ACMSD: variants seen among roughly 807,000 people sequenced by gnomAD.
ACMSD encodes the protein aminocarboxymuconate semialdehyde decarboxylase.
In ACMSD, 37 loss-of-function variants were observed where a neutral mutation model predicts 45.9. The ratio of observed to expected loss-of-function variants is 0.81; its 90% confidence interval spans 0.62 to 1.06. The LOEUF (loss-of-function observed/expected upper bound fraction) is 1.06. Among genes scored for constraint, ACMSD ranks in the 50% least tolerant of loss-of-function variants. The pLI, the probability that ACMSD is intolerant of heterozygous loss-of-function variation, is 0.00. For synonymous variants in ACMSD, 138 were observed against 148.8 expected, an observed-to-expected ratio of 0.93 and a Z score of 0.53; for missense variants, 434 against 420.9, an observed-to-expected ratio of 1.03 and a Z score of -0.27.
intron 6 of ACMSD, among the ~76,000 whole-genome samples, chr2:134,870,107 G>C (rs1281770436): frequency 3.9e-5 from 6 of 152,214 alleles, no homozygotes; most frequent in African/African-American, 1.4e-4. Flanking sequence ...GCAGCCTACA[G>C]AGTCAGGCTT....
At chr2:134,893,554 T>C (rs1689919542) in intron 8 of ACMSD, among the ~76,000 whole-genome samples, 1 of 152,168 alleles carries the variant, frequency 6.6e-6, no homozygotes, top group African/African-American at 2.4e-5. Context: ...CTGCCTCTTT[T>C]GTAGGCATTT....
chr2:134,853,167 TAAAAAAAAA>T (rs201350282), intron 2 of ACMSD, among the ~76,000 whole-genome samples: 2 of 106,560 alleles, frequency 1.9e-5, no homozygotes, highest in East Asian at 2.5e-4. Flanking sequence ...CATCTCAATC[TAAAAAAAAA>T]AAAAAAAAAA....
intron 2 of ACMSD, among the ~76,000 whole-genome samples, chr2:134,858,072 T>C (rs72974386): frequency 0.026 from 4,025 of 152,162 alleles, 184 homozygotes; most frequent in African/African-American, 0.09. Flanking sequence ...TGAAGAAATA[T>C]CTGCATTCCC....
intron 8 of ACMSD, among the ~76,000 whole-genome samples, chr2:134,896,918 G>A (rs1559072370): frequency 6.6e-6 from 1 of 152,074 alleles, no homozygotes; most frequent in Non-Finnish European, 1.5e-5. Flanking sequence ...AGACACAGAG[G>A]GTAAACTAGT....
intron 1 of ACMSD, among the ~76,000 whole-genome samples, chr2:134,842,343 T>C (rs1488016100): frequency 6.6e-6 from 1 of 152,130 alleles, no homozygotes; most frequent in Non-Finnish European, 1.5e-5. Flanking sequence ...TGGCACTTTA[T>C]ACTTTCCAGG....
chr2:134,863,932 C>T (rs981564999), intron 5 of ACMSD, among the ~76,000 whole-genome samples: 3 of 152,104 alleles, frequency 2.0e-5, no homozygotes, highest in South Asian at 2.1e-4. Context: ...ACCCTCTTTA[C>T]AGCCACTGTG....
intron 8 of ACMSD, among the ~76,000 whole-genome samples, chr2:134,881,835 A>G (rs772428186): frequency 6.6e-6 from 1 of 151,324 alleles, no homozygotes; most frequent in Non-Finnish European, 1.5e-5. Flanking sequence ...TAAAAATACA[A>G]AAAAAAATTA....
chr2:134,877,324 T>C (rs1344470441), intron 8 of ACMSD, among the ~76,000 whole-genome samples: 1 of 152,186 alleles, frequency 6.6e-6, no homozygotes, highest in Admixed American at 6.5e-5. Flanking sequence ...CCCCAAAACT[T>C]AGTGGCTTAA....
intron 6 of ACMSD, among the ~76,000 whole-genome samples, chr2:134,870,403 A>C (rs1688370901): frequency 6.6e-6 from 1 of 152,230 alleles, no homozygotes; most frequent in African/African-American, 2.4e-5. Context: ...GCCAATCCTC[A>C]AAACAACTCA....
At position 134,841,694 on chromosome 2, in the gene ACMSD, C is replaced by T. The variant is rs78051076; in HGVS notation, c.57+2955C>T. 2.5e-3 allele frequency among the ~76,000 whole-genome samples: 388 copies of T among 152,264 alleles called. 2 individuals carry two copies. The highest frequency in any genetic ancestry group is 8.8e-3 in the African/African-American group (366 of 41,570). ...ATTCACAGCAACAATGAGGATGATA[C>T]AGTTTCAGCTTTTTCCTCCAGCAAG... On this transcript the variant is annotated intron_variant, in intron 1 of 9. Coordinates refer to ENST00000356140, the MANE Select transcript of ACMSD (RefSeq NM_138326.3).
At chr2:134,862,988 T>C (rs954010806) in intron 4 of ACMSD, 1 of 985,270 alleles carries the variant, frequency 1.0e-6, no homozygotes, top group African/African-American at 1.7e-5. Context: ...CGGCCCTCAA[T>C]GGGGCATGAC....
At chr2:134,862,983 C>G in intron 4 of ACMSD, 1 of 985,460 alleles carries the variant, frequency 1.0e-6, no homozygotes, top group Non-Finnish European at 1.2e-6. Flanking sequence ...CCTGGCGGCC[C>G]TCAATGGGGC....
chr2:134,878,739 T>C (rs1278019503), intron 8 of ACMSD, among the ~76,000 whole-genome samples: 2 of 152,242 alleles, frequency 1.3e-5, no homozygotes, highest in African/African-American at 2.4e-5. Flanking sequence ...ACATGTTTTA[T>C]AGTCCAAAGG....
intron 6 of ACMSD, 175 bp downstream of exon 6, chr2:134,867,847 C>T (rs922079303): frequency 2.3e-5 from 9 of 385,332 alleles, no homozygotes; most frequent in Admixed American, 8.8e-5. Flanking sequence ...ATATATATAA[C>T]CTCATTTAAT....
chr2:134,873,264 A>G (rs1017212582), intron 8 of ACMSD: 1 of 152,726 alleles, frequency 6.5e-6, no homozygotes, highest in Admixed American at 6.5e-5. Flanking sequence ...AAAGCGCACA[A>G]GAAAAAGTCT....
chr2:134,846,597 G>A (rs1011861110), intron 2 of ACMSD, among the ~76,000 whole-genome samples: 1 of 151,886 alleles, frequency 6.6e-6, no homozygotes, highest in Non-Finnish European at 1.5e-5. Flanking sequence ...TTTAGACAGG[G>A]GGTCTCACTA....
chr2:134,847,854 TC>T (rs1182629106), intron 2 of ACMSD, among the ~76,000 whole-genome samples: 7 of 109,024 alleles, frequency 6.4e-5, no homozygotes, highest in Middle Eastern at 0.013. Flanking sequence ...TTCTTCTTTT[TC>T]TTTTTTTTTT....
rs549731844 is a variant in ACMSD at position 134,840,610 on chromosome 2, G to T, written c.57+1871G>T. Among the ~76,000 whole-genome samples, 37 of 152,292 alleles carry T rather than the reference G, an allele frequency of 2.4e-4. 1 individual carries two copies. Among genetic ancestry groups the T allele is most frequent in the Admixed American group, 1.7e-3 (26 of 15,286 alleles). On this transcript the variant is annotated intron_variant, in intron 1 of 9. Coordinates refer to ENST00000356140, the MANE Select transcript of ACMSD (RefSeq NM_138326.3). ...TGCCACGTGAGGGCACAGCAAGAAG[G>T]CACCATCTTAGAACCAGGAAGCGGG... is the stretch of plus-strand genomic sequence containing the variant.
chr2:134,855,595 G>A (rs953138983), intron 2 of ACMSD, among the ~76,000 whole-genome samples: 2 of 152,214 alleles, frequency 1.3e-5, no homozygotes, highest in African/African-American at 4.8e-5. Context: ...CATGGTCAAC[G>A]GAGGATCAGA....
Sources: allele counts gnomAD v4.1 joint callset (sites outside exome capture counted in the v4.1 genomes callset), GRCh38; gene constraint gnomAD v4.1.1; transcripts MANE v1.5; gene names NCBI Gene and HGNC (gene_info 2026-07-23, HGNC 2026-07-21).